Variants in MKNK2 observed in about 807,000 individuals in gnomAD.
MKNK2 encodes the protein MAPK interacting serine/threonine kinase 2.
Under a neutral mutation model 55.0 loss-of-function variants are expected in MKNK2, and 54 were observed. The ratio of observed to expected loss-of-function variants is 0.98; its 90% confidence interval spans 0.79 to 1.23. The LOEUF is 1.23. Among genes scored for constraint, MKNK2 ranks in the 50% most tolerant of loss-of-function variants. The pLI is 0.00. For missense variants in MKNK2, 685 were observed against 632.1 expected, an observed-to-expected ratio of 1.08 and a Z score of -0.90; for synonymous variants, 323 against 256.0, an observed-to-expected ratio of 1.26 and a Z score of -2.50.
chr19:2,040,662 C>T (rs1418816183), intron 12 of MKNK2: 3 of 303,904 alleles, frequency 9.9e-6, no homozygotes, highest in African/African-American at 2.1e-5. Context: ...GACTCCTCCT[C>T]GACTGGAGGC....
chr19:2,038,451 G>A lies in MKNK2; in HGVS notation c.*1162C>T, dbSNP rs529161642. On this transcript the variant is annotated 3_prime_UTR_variant, in exon 14 of 14. Transcript: ENST00000250896. Reference sequence around the variant, plus strand: ...CCGCGGGGAGGGGGCAGCAGGCTCCGCAGCCCCCGGGGGTTGGAGCATGGA... The same window carrying A: ...CCGCGGGGAGGGGGCAGCAGGCTCCACAGCCCCCGGGGGTTGGAGCATGGA... 64 of 985,220 alleles carry A rather than the reference G, an allele frequency of 6.5e-5. No individual in the cohort carries two copies. The Admixed American group carries it at 9.8e-4, about 15-fold the overall frequency. The allele number at this position is 985,220 out of a possible 1,614,324, so 61.0% of individuals were successfully genotyped here.
At position 2,046,340 on chromosome 19, in the gene MKNK2, C is replaced by A. The variant is rs759736411; in HGVS notation, c.241+27G>T. 5.0e-6 allele frequency: 8 copies of A among 1,604,404 alleles called. No individual in the cohort carries two copies. The South Asian group carries it at 7.7e-5, about 15-fold the overall frequency. ...CCCTGGCTTTTCCCCGCTCCCGGCT[C>A]CCCCAATGCCCGCCATCCCCGCTCA... On this transcript the variant is annotated intron_variant, in intron 4 of 13. Coordinates refer to ENST00000250896, the MANE Select transcript of MKNK2 (RefSeq NM_199054.3).
Position 2,038,631 on chromosome 19 carries a change from A to ACG in MKNK2, c.*980_*981dup. The ACG allele has an allele frequency of 1.0e-6, 1 of 985,332 alleles. No individual in the cohort carries two copies. The highest frequency in any genetic ancestry group is 1.2e-6 in the Non-Finnish European group (1 of 829,892). The allele number at this position is 985,332 out of a possible 1,614,324, so 61.0% of individuals were successfully genotyped here. Reference sequence around the variant, plus strand: ...TCTGGGCTCAGCTCTAAGGACAAGGACGGAGCTGACGGAGCTTCCAGGTCA... The same window carrying ACG: ...TCTGGGCTCAGCTCTAAGGACAAGGACGCGGAGCTGACGGAGCTTCCAGGTCA... On this transcript the variant is annotated 3_prime_UTR_variant, in exon 14 of 14. Transcript: ENST00000250896.
At position 2,050,887 on chromosome 19, in the gene MKNK2, G is replaced by A. The variant is rs1161559606; in HGVS notation, c.-36C>T. On this transcript the variant is annotated 5_prime_UTR_variant, in exon 2 of 14. Transcript: ENST00000250896. ...GGCCCCGCCAGCGGGGGAGGGGACC[G>A]AGGGCCCGGGGGGAGGCCCGAGGGC... The A allele has an allele frequency of 6.7e-7, 1 of 1,493,328 alleles. No individual in the cohort carries two copies. 92.5% of individuals were successfully genotyped at this position (1,493,328 alleles called of 1,614,324 possible).
In MKNK2 at chr19:2,037,843, A is replaced by C. The variant is rs78772412; in HGVS notation, c.*1770T>G. 0.019 allele frequency: 29,328 copies of C among 1,578,394 alleles called. 602 individuals carry two copies. Among genetic ancestry groups the C allele is most frequent in the East Asian group, 0.096 (4,261 of 44,366 alleles). On this transcript the variant is annotated 3_prime_UTR_variant, in exon 14 of 14. Transcript: ENST00000250896. ...TGACTGTCCCACCTTCAGAAAAAAA[A>C]AAAAAAACAAACAAACAAACGCTGC...
rs933199019 is a variant in MKNK2 at position 2,042,044 on chromosome 19, G to A, written c.751-10C>T. ...ACTCCGCCGAGCCGCACTGCGGGCG[G>A]GGGAGGGGCGCGTCAGCCGGGGTTT... is the stretch of plus-strand genomic sequence containing the variant. On this transcript the variant is annotated splice_polypyrimidine_tract_variant and intron_variant, in intron 10 of 13. Transcript: ENST00000250896. 5 of 1,472,438 alleles carry A rather than the reference G, an allele frequency of 3.4e-6. No individual in the cohort carries two copies. The highest frequency in any genetic ancestry group is 2.7e-5 in the East Asian group (1 of 36,516). The allele number at this position is 1,472,438 out of a possible 1,614,324, so 91.2% of individuals were successfully genotyped here.
Position 2,037,632 on chromosome 19 carries a change from T to G in MKNK2, c.*1981A>C, listed in dbSNP as rs1375735391. The G allele has an allele frequency of 1.6e-4, 19 of 117,012 alleles. No homozygotes were observed. The highest frequency in any genetic ancestry group is 2.1e-4 in the Non-Finnish European group (17 of 79,980). The allele number at this position is 117,012 out of a possible 1,614,324, so 7.2% of individuals were successfully genotyped here. ...CCCCACTTTAAAAAAACTTTTGAGGTTTTTTTTTTTTTTTTGTCTTTTAAA... is the reference window on the plus strand; with the variant it reads ...CCCCACTTTAAAAAAACTTTTGAGGGTTTTTTTTTTTTTTTGTCTTTTAAA... On this transcript the variant is annotated 3_prime_UTR_variant, in exon 14 of 14. Coordinates refer to ENST00000250896, the MANE Select transcript of MKNK2 (RefSeq NM_199054.3).
Position 2,038,071 on chromosome 19 carries a change from T to G in MKNK2, c.*1542A>C, listed in dbSNP as rs1452279876. The G allele has an allele frequency of 4.4e-5, 52 of 1,178,040 alleles. No individual in the cohort carries two copies. Among genetic ancestry groups the G allele is most frequent in the Middle Eastern group, 3.5e-4 (1 of 2,840 alleles). The allele number at this position is 1,178,040 out of a possible 1,614,324, so 73.0% of individuals were successfully genotyped here. A position where few individuals can be genotyped will look rare whatever the true frequency, so the allele number is the denominator to read the frequency against. On this transcript the variant is annotated 3_prime_UTR_variant, in exon 14 of 14. Transcript: ENST00000250896. ...CTTTGGAAGGGGCAGTCCACAGATATGGGCAGTGGGGACCAGGGAAGGCAG... is the reference window on the plus strand; with the variant it reads ...CTTTGGAAGGGGCAGTCCACAGATAGGGGCAGTGGGGACCAGGGAAGGCAG...
chr19:2,040,405 C>A (rs2016850746), intron 12 of MKNK2: 2 of 536,194 alleles, frequency 3.7e-6, no homozygotes, highest in African/African-American at 3.9e-5. Context: ...AGGCTGAGGC[C>A]TGGTGTTACA....
chr19:2,042,044 G>C lies in MKNK2; in HGVS notation c.751-10C>G. ...ACTCCGCCGAGCCGCACTGCGGGCG[G>C]GGGAGGGGCGCGTCAGCCGGGGTTT... On this transcript the variant is annotated splice_polypyrimidine_tract_variant and intron_variant, in intron 10 of 13. Transcript: ENST00000250896. 4.1e-6 allele frequency: 6 copies of C among 1,472,438 alleles called. No individual in the cohort carries two copies. Among genetic ancestry groups the C allele is most frequent in the Non-Finnish European group, 5.4e-6 (6 of 1,110,810 alleles). The allele number at this position is 1,472,438 out of a possible 1,614,324, so 91.2% of individuals were successfully genotyped here.
Position 2,041,121 on chromosome 19 carries a change from G to C in MKNK2, c.1029C>G (p.Asp343Glu). ...DWAHISCAAK[D>E]LISKLLVRDA... ...CACGGACCAGCAGCTTGGAGATGAG[G>C]TCTTTGGCAGCGCAGGAGATGTGGG... Residue 343 changes from aspartate (D) to glutamate (E), a missense_variant, in exon 12 of 14, where the codon GAC becomes GAG. Physicochemically the swap from Asp to Glu is conservative, Grantham distance 45 (BLOSUM62 2). Transcript: ENST00000250896. 6.2e-7 allele frequency: 1 copy of C among 1,614,112 alleles called. No individual in the cohort carries two copies.
At chr19:2,047,689 A>C (rs11665732) in intron 2 of MKNK2, among the ~76,000 whole-genome samples, 53,947 of 151,790 alleles carry the variant, frequency 0.36, 10,372 homozygotes, top group East Asian at 0.53. Context: ...CCTGGGCCTC[A>C]GTTTCCCCCA....
At chr19:2,047,832 C>T (rs1416483230) in intron 2 of MKNK2, among the ~76,000 whole-genome samples, 1 of 152,026 alleles carries the variant, frequency 6.6e-6, no homozygotes, top group African/African-American at 2.4e-5. Flanking sequence ...GCTCTGCTTC[C>T]ATCACCCCTG....
rs2016780848 is a variant in MKNK2, at chr19:2,037,810, G to A, written c.*1803C>T. On this transcript the variant is annotated 3_prime_UTR_variant, in exon 14 of 14. Coordinates refer to ENST00000250896, the MANE Select transcript of MKNK2 (RefSeq NM_199054.3). ...TGGATGCGACAGGGGTGGGGAGGGAGGAGGAAGTGACTGTCCCACCTTCAG... is the reference window on the plus strand; with the variant it reads ...TGGATGCGACAGGGGTGGGGAGGGAAGAGGAAGTGACTGTCCCACCTTCAG... 3 of 1,603,404 alleles carry A rather than the reference G, an allele frequency of 1.9e-6. No homozygotes were observed. Among genetic ancestry groups the A allele is most frequent in the Non-Finnish European group, 1.7e-6 (2 of 1,174,246 alleles).
rs1461199799 is a variant in MKNK2 at position 2,038,982 on chromosome 19, G to C, written c.*631C>G. 1.0e-6 allele frequency: 1 copy of C among 986,042 alleles called. No homozygotes were observed. The highest frequency in any genetic ancestry group is 1.7e-5 in the African/African-American group (1 of 57,348). The allele number at this position is 986,042 out of a possible 1,614,324, so 61.1% of individuals were successfully genotyped here. A position where few individuals can be genotyped will look rare whatever the true frequency, so the allele number is the denominator to read the frequency against. On this transcript the variant is annotated 3_prime_UTR_variant, in exon 14 of 14. Coordinates refer to ENST00000250896, the MANE Select transcript of MKNK2 (RefSeq NM_199054.3). ...GAAGCCCCGATTGTCAACTATCATGGGGACAAGGCAGGCGCGGGTGAAGGG... is the reference window on the plus strand; with the variant it reads ...GAAGCCCCGATTGTCAACTATCATGCGGACAAGGCAGGCGCGGGTGAAGGG...
At position 2,050,821 on chromosome 19, in the gene MKNK2, C is replaced by G; in HGVS notation, c.31G>C (p.Gly11Arg). 1 of 1,538,266 alleles carries G rather than the reference C, an allele frequency of 6.5e-7. No individual in the cohort carries two copies. The highest frequency in any genetic ancestry group is 8.8e-7 in the Non-Finnish European group (1 of 1,142,110). The change falls in exon 2 of 14, where the codon GGT becomes CGT. Residue 11 changes from glycine (G) to arginine (R), a missense_variant. Physicochemically the swap from Gly to Arg is moderately radical, Grantham distance 125. Coordinates refer to ENST00000250896, the MANE Select transcript of MKNK2 (RefSeq NM_199054.3). The part of the protein sequence containing the change: MVQKKPAELQ[G>R]FHRSFKGQNP... Reference sequence around the variant, plus strand: ...CTCACCTTGAACGAACGGTGGAAACCCTGAAGTTCGGCTGGTTTCTTCTGC... The same window carrying G: ...CTCACCTTGAACGAACGGTGGAAACGCTGAAGTTCGGCTGGTTTCTTCTGC...
At chr19:2,048,751 T>G (rs2017051450) in intron 2 of MKNK2, among the ~76,000 whole-genome samples, 3 of 151,078 alleles carry the variant, frequency 2.0e-5, no homozygotes, top group Admixed American at 6.6e-5. Context: ...CCACCCTGGC[T>G]CGGGCAGATA....
At chr19:2,043,691 C>A (rs2016941213) in intron 5 of MKNK2, 109 bp from the exon 6 acceptor site, 1 of 1,004,748 alleles carries the variant, frequency 1.0e-6, no homozygotes, top group Non-Finnish European at 1.5e-6. Flanking sequence ...TAACGCCCTG[C>A]AACTCTAGAA....
chr19:2,044,600 T>A (rs1278351022), intron 5 of MKNK2, among the ~76,000 whole-genome samples: 1 of 152,238 alleles, frequency 6.6e-6, no homozygotes, highest in East Asian at 1.9e-4. Context: ...GATGGCCTGG[T>A]GGCAGCAGGG....
Sources: allele counts gnomAD v4.1 joint callset (sites outside exome capture counted in the v4.1 genomes callset), GRCh38; gene constraint gnomAD v4.1.1; transcripts MANE v1.5; gene names NCBI Gene and HGNC (gene_info 2026-07-23, HGNC 2026-07-21).